The following IL18R1 variants were observed in gnomAD, a reference collection of about 807,000 sequenced individuals.
The protein encoded by IL18R1 is interleukin-18 receptor 1.
In IL18R1, 40 loss-of-function variants were observed where a neutral mutation model predicts 48.5. The ratio of observed to expected loss-of-function variants is 0.82; its 90% CI spans 0.64 to 1.07. The LOEUF is 1.07. IL18R1 is among the 50% of genes least tolerant of loss of function. The pLI, the probability that IL18R1 is intolerant of heterozygous loss-of-function variation, is 0.00. For missense variants in IL18R1, 596 were observed against 633.7 expected (o/e 0.94, Z 0.64); for synonymous variants, 232 against 225.9 (o/e 1.03, Z -0.24).
At chr2:102,365,937 G>A (rs1337912329) in intron 2 of IL18R1, among the ~76,000 whole-genome samples, 1 of 152,176 alleles carries the variant, frequency 6.6e-6, no homozygotes. Flanking sequence ...CACACAGAAA[G>A]GGACCCTGGG....
At position 102,397,970 on chromosome 2, in the gene IL18R1, G is replaced by A. The variant is rs1460267381; in HGVS notation, c.*1084G>A. On this transcript the variant is annotated 3_prime_UTR_variant, in exon 11 of 11. Coordinates refer to ENST00000233957, the MANE Select transcript of IL18R1 (RefSeq NM_003855.5). ...TAAATATAATAAAGTACTTACAGTGGTTCCTGACACAGACTCAGCACTCCG... is the reference window on the plus strand; with the variant it reads ...TAAATATAATAAAGTACTTACAGTGATTCCTGACACAGACTCAGCACTCCG... The A allele has an allele frequency of 6.6e-6, 1 of 152,156 alleles. No individual in the cohort carries two copies. The highest frequency in any genetic ancestry group is 1.5e-5 in the Non-Finnish European group (1 of 68,026). 9.4% of individuals were successfully genotyped at this position (152,156 alleles called of 1,614,324 possible).
chr2:102,390,313 G>C (rs1000721131), intron 9 of IL18R1, 96 bp downstream of exon 9: 2 of 1,156,038 alleles, frequency 1.7e-6, no homozygotes, highest in Admixed American at 2.0e-5. Flanking sequence ...TGATATTGTA[G>C]AATTAATCTG....
chr2:102,360,821 T>C (rs1455806778), intron 1 of IL18R1, among the ~76,000 whole-genome samples: 1 of 152,222 alleles, frequency 6.6e-6, no homozygotes, highest in Non-Finnish European at 1.5e-5. Flanking sequence ...TTTATATTCT[T>C]CTATGCCTAT....
intron 10 of IL18R1, 23 bp from the exon 11 acceptor site, chr2:102,396,508 T>C (rs1001430124): frequency 5.1e-6 from 7 of 1,366,052 alleles, no homozygotes; most frequent in African/African-American, 2.9e-5. Flanking sequence ...CTTAAATTAA[T>C]AGGGGTTATC....
chr2:102,391,217 A>G (rs1443502092), intron 9 of IL18R1, among the ~76,000 whole-genome samples: 1 of 147,778 alleles, frequency 6.8e-6, no homozygotes, highest in Non-Finnish European at 1.5e-5. Context: ...ATGTCTATGA[A>G]ATTATACTTC....
Position 102,367,894 on chromosome 2 carries a change from G to T in IL18R1, c.128G>T (p.Cys43Phe). Residue 43 changes from cysteine to phenylalanine, a missense_variant, in exon 3 of 11, where the codon TGT (cysteine) becomes TTT (phenylalanine). By Grantham distance (205) the Cys-to-Phe change is radical. Around this residue, in one of 3 missense-constraint regions of IL18R1, gnomAD observed 360 missense variants for 339.4 expected, o/e 1.06. Coordinates refer to ENST00000233957, the MANE Select transcript of IL18R1 (RefSeq NM_003855.5). ...CCTTTCTATCTGAAACATTGCTCGT[G>T]TTCACTTGCACATGAGATTGAAACA... is the stretch of plus-strand genomic sequence containing the variant. The part of the protein sequence containing the change: ...GEPFYLKHCS[C>F]SLAHEIETTT... The T allele has an allele frequency of 6.2e-7, 1 of 1,614,136 alleles. No individual in the cohort carries two copies. The highest frequency in any genetic ancestry group is 8.5e-7 in the Non-Finnish European group (1 of 1,179,980).
rs747544780 is a variant in IL18R1 at position 102,376,059 on chromosome 2, G to A, written c.621G>A (p.Val207=). 3.9e-6 allele frequency: 6 copies of A among 1,557,796 alleles called. No individual in the cohort carries two copies. The highest frequency in any genetic ancestry group is 1.2e-5 in the South Asian group (1 of 81,816). ...NITKTFNITI[V]EDRSNIVPVL... ...CCAAAACCTTCAATATAACAATAGT[G>A]GAAGGTAAGGGAAATCTTAGAATTG... Residue 207 remains valine (V), a synonymous_variant, in exon 5 of 11, where the codon GTG becomes GTA. Transcript: ENST00000233957.
chr2:102,364,801 G>A (rs115267770), intron 2 of IL18R1, among the ~76,000 whole-genome samples: 2,095 of 152,224 alleles, frequency 0.014, 52 homozygotes, highest in African/African-American at 0.048. Context: ...CAATCATAGT[G>A]GAAGGGGAAG....
At chr2:102,394,743 T>A in intron 10 of IL18R1, 116 bp downstream of exon 10, 1 of 823,818 alleles carries the variant, frequency 1.2e-6, no homozygotes, top group Non-Finnish European at 1.8e-6. Context: ...TAAGGTCCTT[T>A]AAGCAAGAAA....
chr2:102,389,534 G>C (rs571923065), intron 8 of IL18R1, among the ~76,000 whole-genome samples: 1 of 152,214 alleles, frequency 6.6e-6, no homozygotes, highest in Non-Finnish European at 1.5e-5. Flanking sequence ...CTTCCCCAAA[G>C]GAGCAGCCTT....
intron 2 of IL18R1, chr2:102,362,951 A>G (rs1461437791): frequency 3.0e-6 from 1 of 330,276 alleles, no homozygotes; most frequent in Non-Finnish European, 5.5e-6. Flanking sequence ...AGGAGGTGGC[A>G]GCCATCTTTA....
chr2:102,387,029 G>C, intron 8 of IL18R1, 29 bp downstream of exon 8: 1 of 1,607,212 alleles, frequency 6.2e-7, no homozygotes, highest in Non-Finnish European at 8.5e-7. Context: ...TGGAAGTTTT[G>C]AAACTTAGCT....
At chr2:102,389,993 T>C in intron 8 of IL18R1, 63 bp from the exon 9 acceptor site, 1 of 1,550,282 alleles carries the variant, frequency 6.5e-7, no homozygotes, top group Non-Finnish European at 8.8e-7. Flanking sequence ...AAGCACGTGA[T>C]GATGGACAAC....
intron 5 of IL18R1, among the ~76,000 whole-genome samples, chr2:102,378,315 C>T (rs1679713244): frequency 6.6e-6 from 1 of 152,186 alleles, no homozygotes; most frequent in Non-Finnish European, 1.5e-5. Flanking sequence ...GATTCCTCAT[C>T]ATGAAATGGG....
intron 5 of IL18R1, among the ~76,000 whole-genome samples, chr2:102,376,678 G>A (rs1251455927): frequency 6.6e-6 from 1 of 152,170 alleles, no homozygotes; most frequent in Non-Finnish European, 1.5e-5. Context: ...GAACACTGAT[G>A]TGCTGGTGGG....
intron 4 of IL18R1, among the ~76,000 whole-genome samples, chr2:102,373,078 A>G (rs1035795883): frequency 6.6e-6 from 1 of 152,190 alleles, no homozygotes; most frequent in Non-Finnish European, 1.5e-5. Flanking sequence ...TTAAAATTTG[A>G]TATGAAAAAT....
At position 102,362,681 on chromosome 2, in the gene IL18R1, C is replaced by A. The variant is rs11465569; in HGVS notation, c.21C>A (p.Pro7=). The A allele has an allele frequency of 4.4e-6, 7 of 1,607,948 alleles. No homozygotes were observed. In the East Asian group the frequency reaches 1.3e-4, roughly 31 times the overall value. The change falls in exon 2 of 11, where the codon CCC becomes CCA. Residue 7 remains proline, a synonymous_variant. Transcript: ENST00000233957. ...AAACCATGAATTGTAGAGAATTACC[C>A]TTGACCCTTTGGGTGCTTATATCTG... is the stretch of plus-strand genomic sequence containing the variant. MNCREL[P]LTLWVLISVS... is the part of the protein sequence containing the mutation.
intron 2 of IL18R1, among the ~76,000 whole-genome samples, chr2:102,367,437 C>T (rs954484186): frequency 7.2e-5 from 11 of 152,086 alleles, no homozygotes; most frequent in African/African-American, 2.7e-4. Context: ...ACTGAGACTC[C>T]TCAGCAGGGT....
At chr2:102,386,679 A>G (rs546904981) in intron 7 of IL18R1, among the ~76,000 whole-genome samples, 182 bp from the exon 8 acceptor site, 1 of 152,342 alleles carries the variant, frequency 6.6e-6, no homozygotes, top group African/African-American at 2.4e-5. Flanking sequence ...TGTTTCTGTC[A>G]GTTCTGATGC....
Sources: gnomAD v4.1 joint callset for allele counts (sites outside exome capture counted in the v4.1 genomes callset) on GRCh38, gnomAD v4.1.1 for gene constraint, gnomAD v4.1.1 regional missense constraint, MANE v1.5 for transcripts, NCBI Gene and HGNC (gene_info 2026-07-23, HGNC 2026-07-21) for gene names.